CSMD3: variants seen among roughly 807,000 people sequenced by gnomAD.
CSMD3 encodes the protein CUB and sushi domain-containing protein 3.
Under a neutral mutation model 435.2 loss-of-function variants are expected in CSMD3, and 177 were observed. The ratio of observed to expected loss-of-function variants is 0.41; its 90% CI spans 0.36 to 0.46. The LOEUF (loss-of-function observed/expected upper bound fraction) is 0.46. Among genes scored for constraint, CSMD3 ranks in the 20% least tolerant of loss-of-function variants. The probability of loss-of-function intolerance (pLI) is 0.34; values close to 1 mark genes in which losing one functional copy is unlikely to be tolerated. For missense variants in CSMD3, 4,265 were observed against 4,504.6 expected (o/e 0.95, Z 1.52); for synonymous variants, 1,656 against 1,520.5 (o/e 1.09, Z -2.07).
chr8:112,602,580 A>G (rs13260550), intron 22 of CSMD3, among the ~76,000 whole-genome samples: 24,798 of 150,022 alleles, frequency 0.17, 2,666 homozygotes, highest in South Asian at 0.29. Flanking sequence ...AAAAAAAAAA[A>G]AAAGAAAGAA....
chr8:112,610,633 G>A (rs1250854698), intron 22 of CSMD3, among the ~76,000 whole-genome samples: 1 of 152,072 alleles, frequency 6.6e-6, no homozygotes, highest in Admixed American at 6.6e-5. Context: ...AGTGATTTTT[G>A]AGTTCTGCAG....
chr8:112,964,525 G>T (rs2084347203), intron 7 of CSMD3, among the ~76,000 whole-genome samples: 3 of 151,936 alleles, frequency 2.0e-5, no homozygotes. Context: ...GGTGTGAACA[G>T]ATGAAATTAA....
intron 32 of CSMD3, among the ~76,000 whole-genome samples, chr8:112,461,357 T>A (rs552658409): frequency 6.6e-6 from 1 of 152,154 alleles, no homozygotes; most frequent in Admixed American, 6.6e-5. Context: ...TAAAAAAGGC[T>A]GTATGTAATG....
rs1357842252 is a variant in CSMD3, at chr8:112,556,868, T to C, written c.4129A>G (p.Ile1377Val). The change falls in exon 25 of 71, where the codon ATC becomes GTC. Residue 1377 changes from isoleucine (I) to valine (V), a missense_variant. This residue lies in a region of CSMD3 where 3,255 missense variants were observed against 3,380.2 expected (regional missense o/e 0.96). Transcript: ENST00000297405. ...SDQGHFAGST[I>V]IYGCNPGYTL... ...TAGCCTGGATTGCATCCATAAATGA[T>C]GGTGCTACCAGCAAAGTGGCCTTGG... is the stretch of plus-strand genomic sequence containing the variant. The C allele has an allele frequency of 2.5e-6, 4 of 1,611,646 alleles. No homozygotes were observed. The highest frequency in any genetic ancestry group is 3.4e-6 in the Non-Finnish European group (4 of 1,178,350).
chr8:113,044,483 C>T (rs2087750589), intron 5 of CSMD3, among the ~76,000 whole-genome samples: 2 of 148,872 alleles, frequency 1.3e-5, no homozygotes, highest in Non-Finnish European at 3.0e-5. Flanking sequence ...ATTCACAGCC[C>T]AACTCTTGAG....
intron 10 of CSMD3, among the ~76,000 whole-genome samples, chr8:112,862,253 A>G (rs1564034856): frequency 6.6e-6 from 1 of 152,022 alleles, no homozygotes; most frequent in South Asian, 2.1e-4. Context: ...TTGTGGCACT[A>G]TGAGTTTTTG....
chr8:112,741,772 T>TAGATAGAGAGAA (rs1554667778), intron 13 of CSMD3, among the ~76,000 whole-genome samples: 32 of 133,812 alleles, frequency 2.4e-4, no homozygotes, highest in Non-Finnish European at 3.7e-4. Context: ...GATAGATAGA[T>TAGATAGAGAGAA]GATAGATAGA....
chr8:112,313,054 C>A (rs77554162), intron 49 of CSMD3, among the ~76,000 whole-genome samples: 1 of 151,968 alleles, frequency 6.6e-6, no homozygotes, highest in Non-Finnish European at 1.5e-5. Flanking sequence ...TGGTCTCTGA[C>A]GTGATTTAGA....
At position 112,929,727 on chromosome 8, in the gene CSMD3, A is replaced by G. The variant is rs193065771; in HGVS notation, c.1509-7976T>C. 6.6e-5 allele frequency among the ~76,000 whole-genome samples: 10 copies of G among 152,140 alleles called. No homozygotes were observed. In the East Asian group the frequency reaches 1.7e-3, roughly 26 times the overall value. ...TGATATACTTTGATAGATAAAAGGC[A>G]ATAAAATAAAGTGCTTTTGAAGGTT... On this transcript the variant is annotated intron_variant, in intron 9 of 70. Coordinates refer to ENST00000297405, the MANE Select transcript of CSMD3 (RefSeq NM_198123.2).
chr8:113,340,416 G>A (rs1194078895), intron 1 of CSMD3, among the ~76,000 whole-genome samples: 3 of 152,038 alleles, frequency 2.0e-5, no homozygotes, highest in African/African-American at 7.2e-5. Context: ...TATTCATTTA[G>A]AGTAACCTAC....
At chr8:112,622,684 C>T (rs536119041) in intron 22 of CSMD3, among the ~76,000 whole-genome samples, 4 of 152,164 alleles carry the variant, frequency 2.6e-5, no homozygotes, top group African/African-American at 7.2e-5. Flanking sequence ...GTAAAAGTAA[C>T]GCAATGAGTA....
intron 1 of CSMD3, among the ~76,000 whole-genome samples, chr8:113,386,722 C>T (rs1264344685): frequency 6.6e-6 from 1 of 151,800 alleles, no homozygotes; most frequent in Non-Finnish European, 1.5e-5. Context: ...GATCCACAGA[C>T]CACTACATCA....
At chr8:112,787,844 A>C (rs2078589357) in intron 13 of CSMD3, among the ~76,000 whole-genome samples, 1 of 152,142 alleles carries the variant, frequency 6.6e-6, no homozygotes, top group South Asian at 2.1e-4. Context: ...GGATACAAAA[A>C]TACAGTTAGA....
rs892651567 is a variant in CSMD3, at chr8:112,255,426, T to C, written c.9864A>G (p.Pro3288=). The change falls in exon 62 of 71, where the codon CCA becomes CCG. Residue 3288 remains proline (P), a splice_region_variant and synonymous_variant. Coordinates refer to ENST00000297405, the MANE Select transcript of CSMD3 (RefSeq NM_198123.2). ...GTATACCAGGGTCACCACAAAACTT[T>C]GCTGGAAATGAAAAGAAAGACGCTT... is the stretch of plus-strand genomic sequence containing the variant. ...TWSGEVPQCL[P]KFCGDPGIPA... is the part of the protein sequence containing the mutation. The C allele has an allele frequency of 1.2e-6, 2 of 1,613,596 alleles. No individual in the cohort carries two copies. The highest frequency in any genetic ancestry group is 1.7e-5 in the Admixed American group (1 of 59,960).
chr8:112,756,636 C>T (rs950921514), intron 13 of CSMD3, among the ~76,000 whole-genome samples: 1 of 152,100 alleles, frequency 6.6e-6, no homozygotes, highest in Non-Finnish European at 1.5e-5. Context: ...CAGTTAATAA[C>T]ATAATTGCCT....
intron 7 of CSMD3, among the ~76,000 whole-genome samples, chr8:112,960,006 T>C (rs2084168675): frequency 6.6e-6 from 1 of 151,686 alleles, no homozygotes; most frequent in Non-Finnish European, 1.5e-5. Flanking sequence ...TATTTAGGAG[T>C]AGAATTTGGG....
intron 22 of CSMD3, among the ~76,000 whole-genome samples, chr8:112,631,943 T>C (rs1427153583): frequency 6.6e-6 from 1 of 151,990 alleles, no homozygotes; most frequent in Non-Finnish European, 1.5e-5. Context: ...GATTTTTAAT[T>C]TTCTTTCTAC....
chr8:112,895,169 G>A (rs578149778), intron 10 of CSMD3, among the ~76,000 whole-genome samples: 8 of 151,282 alleles, frequency 5.3e-5, no homozygotes, highest in Admixed American at 2.6e-4. Context: ...GTCTGACCAC[G>A]CAGAGTTTAT....
chr8:112,607,390 A>G (rs1832883611), intron 22 of CSMD3, among the ~76,000 whole-genome samples: 1 of 152,128 alleles, frequency 6.6e-6, no homozygotes. Flanking sequence ...TTCATTGTAG[A>G]ATTTTATTTA....
Sources: allele counts gnomAD v4.1 joint callset (sites outside exome capture counted in the v4.1 genomes callset), GRCh38; gene constraint gnomAD v4.1.1; regional missense constraint gnomAD v4.1.1; transcripts MANE v1.5; gene names NCBI Gene and HGNC (gene_info 2026-07-23, HGNC 2026-07-21).